Variants in GTF2F2 observed in about 807,000 individuals in gnomAD.
GTF2F2 encodes the protein general transcription factor IIF subunit 2.
GTF2F2 carries 23 observed loss-of-function variants against 42.2 expected under a neutral mutation model. The ratio of observed to expected loss-of-function variants is 0.55; its 90% CI spans 0.39 to 0.77. The LOEUF is 0.77. Ranked by LOEUF, GTF2F2 falls within the 30% of genes least tolerant of loss-of-function variation. The pLI is 0.00. For synonymous variants in GTF2F2, 105 were observed against 100.8 expected, an observed-to-expected ratio of 1.04 and a Z score of -0.25; for missense variants, 261 against 287.2, an observed-to-expected ratio of 0.91 and a Z score of 0.66.
In GTF2F2 at chr13:45,213,262, G is replaced by A. The variant is rs138552582; in HGVS notation, c.386+5757G>A. ...CCCGGCTAATTTTTTTGTATTTTTAGTAGAGGTGGGGTTTCACTGTGTTAG... is the reference window on the plus strand; with the variant it reads ...CCCGGCTAATTTTTTTGTATTTTTAATAGAGGTGGGGTTTCACTGTGTTAG... On this transcript the variant is annotated intron_variant, in intron 5 of 7. Coordinates refer to ENST00000340473, the MANE Select transcript of GTF2F2 (RefSeq NM_004128.3). Among the ~76,000 whole-genome samples, 145 of 152,020 alleles carry A rather than the reference G, an allele frequency of 9.5e-4. 1 individual carries two copies. The highest frequency in any genetic ancestry group is 5.8e-3 in the South Asian group (28 of 4,814).
chr13:45,274,658 A>C (rs1269886507), intron 7 of GTF2F2, among the ~76,000 whole-genome samples: 1 of 152,118 alleles, frequency 6.6e-6, no homozygotes. Context: ...TGTGTAGTTC[A>C]GGCCAGATGT....
chr13:45,192,703 G>A (rs1395976174), intron 4 of GTF2F2: 1 of 152,026 alleles, frequency 6.6e-6, no homozygotes, highest in Non-Finnish European at 1.5e-5. Context: ...ATAATTTTTT[G>A]TTTGGCATGA....
rs886070768 is a variant in GTF2F2 at position 45,135,406 on chromosome 13, C to T, written c.67-1327C>T. Among the ~76,000 whole-genome samples, 7 of 151,828 alleles carry T rather than the reference C, an allele frequency of 4.6e-5. 1 individual carries two copies. Among genetic ancestry groups the T allele is most frequent in the Admixed American group, 3.9e-4 (6 of 15,230 alleles). ...TCCTGAGTAGCTGGGATTACAGGCA[C>T]GCACGACCATGCCCGGCTAATTTTT... is the stretch of plus-strand genomic sequence containing the variant. On this transcript the variant is annotated intron_variant, in intron 1 of 7. Coordinates refer to ENST00000340473, the MANE Select transcript of GTF2F2 (RefSeq NM_004128.3).
At chr13:45,125,795 C>T (rs1201341094) in intron 1 of GTF2F2, among the ~76,000 whole-genome samples, 3 of 152,052 alleles carry the variant, frequency 2.0e-5, no homozygotes, top group African/African-American at 7.2e-5. Flanking sequence ...GAGATGGAGA[C>T]AGGGATTTAT....
intron 1 of GTF2F2, among the ~76,000 whole-genome samples, chr13:45,121,894 G>C (rs956151352): frequency 6.6e-6 from 1 of 150,704 alleles, no homozygotes; most frequent in South Asian, 2.1e-4. Flanking sequence ...GTTACTTGGG[G>C]GGAGAGTCAC....
At chr13:45,215,547 G>A (rs1238675601) in intron 5 of GTF2F2, among the ~76,000 whole-genome samples, 2 of 152,074 alleles carry the variant, frequency 1.3e-5, no homozygotes, top group African/African-American at 4.8e-5. Flanking sequence ...ATCACCTAAG[G>A]TCAGGAGTTT....
At chr13:45,198,895 ACTGT>A (rs1873036772) in intron 4 of GTF2F2, among the ~76,000 whole-genome samples, 1 of 152,176 alleles carries the variant, frequency 6.6e-6, no homozygotes, top group Non-Finnish European at 1.5e-5. Flanking sequence ...TAAAAATTAC[ACTGT>A]CTAATTATTG....
At chr13:45,230,274 T>C (rs1179321375) in intron 5 of GTF2F2, among the ~76,000 whole-genome samples, 1 of 151,716 alleles carries the variant, frequency 6.6e-6, no homozygotes, top group African/African-American at 2.4e-5. Flanking sequence ...CAGTACTAAT[T>C]GGTATGTCTT....
intron 4 of GTF2F2, among the ~76,000 whole-genome samples, chr13:45,178,686 T>C (rs1872001840): frequency 6.6e-6 from 1 of 152,188 alleles, no homozygotes; most frequent in Non-Finnish European, 1.5e-5. Flanking sequence ...ATGTACCTAC[T>C]CTCACCCAAG....
In GTF2F2 at chr13:45,284,763, A is replaced by G. The variant is rs916183362; in HGVS notation, c.*1202A>G. 6.6e-5 allele frequency: 10 copies of G among 152,232 alleles called. No homozygotes were observed. Among genetic ancestry groups the G allele is most frequent in the Admixed American group, 4.6e-4 (7 of 15,276 alleles). The allele number at this position is 152,232 out of a possible 1,614,324, so 9.4% of individuals were successfully genotyped here. A position where few individuals can be genotyped will look rare whatever the true frequency, so the allele number is the denominator to read the frequency against. ...ATATAATTAAAGCAAGAAGATATCT[A>G]TCCATTGAGAAAAACAATTTTTATA... On this transcript the variant is annotated 3_prime_UTR_variant, in exon 8 of 8. Coordinates refer to ENST00000340473, the MANE Select transcript of GTF2F2 (RefSeq NM_004128.3).
rs903472862 is a variant in GTF2F2, at chr13:45,283,981, A to C, written c.*420A>C. On this transcript the variant is annotated 3_prime_UTR_variant, in exon 8 of 8. Transcript: ENST00000340473. ...GTCAACTACAGAAACTCTTAAAAGG[A>C]ATAAAAACCCAAAGTTCCTTATTTT... 6.6e-6 allele frequency: 1 copy of C among 152,240 alleles called. No individual in the cohort carries two copies. Among genetic ancestry groups the C allele is most frequent in the Non-Finnish European group, 1.5e-5 (1 of 68,048 alleles). The allele number at this position is 152,240 out of a possible 1,614,324, so 9.4% of individuals were successfully genotyped here.
At chr13:45,135,380 C>T (rs1293009796) in intron 1 of GTF2F2, among the ~76,000 whole-genome samples, 1 of 152,156 alleles carries the variant, frequency 6.6e-6, no homozygotes, top group East Asian at 1.9e-4. Context: ...CTGCCTCAGC[C>T]TCCTGAGTAG....
At chr13:45,189,493 G>A (rs1872547194) in intron 4 of GTF2F2, among the ~76,000 whole-genome samples, 1 of 152,188 alleles carries the variant, frequency 6.6e-6, no homozygotes, top group South Asian at 2.1e-4. Context: ...CTTCCACAAT[G>A]GTTGAACTAA....
chr13:45,188,008 C>T (rs1003154347), intron 4 of GTF2F2, among the ~76,000 whole-genome samples: 2 of 152,124 alleles, frequency 1.3e-5, no homozygotes, highest in African/African-American at 2.4e-5. Context: ...TGGGTTCTAG[C>T]GATTCTCATG....
chr13:45,151,532 C>T (rs945195140), intron 3 of GTF2F2, among the ~76,000 whole-genome samples, 155 bp from the exon 4 acceptor site: 1 of 151,976 alleles, frequency 6.6e-6, no homozygotes, highest in Non-Finnish European at 1.5e-5. Flanking sequence ...TTTATATTCT[C>T]TTTTTATGAC....
intron 5 of GTF2F2, among the ~76,000 whole-genome samples, chr13:45,225,840 G>A (rs1401897206): frequency 6.6e-6 from 1 of 152,016 alleles, no homozygotes; most frequent in African/African-American, 2.4e-5. Flanking sequence ...TTGGGACAGT[G>A]GTGCCTGTTG....
At chr13:45,152,773 C>CT (rs1320025663) in intron 4 of GTF2F2, among the ~76,000 whole-genome samples, 1 of 152,148 alleles carries the variant, frequency 6.6e-6, no homozygotes, top group Non-Finnish European at 1.5e-5. Flanking sequence ...ACACACTCAG[C>CT]TTGAGTATAT....
At chr13:45,232,841 G>T (rs2138220886) in intron 5 of GTF2F2, among the ~76,000 whole-genome samples, 1 of 152,238 alleles carries the variant, frequency 6.6e-6, no homozygotes, top group Admixed American at 6.5e-5. Context: ...ATTTCACATA[G>T]TGTAAGTGTG....
chr13:45,258,686 C>T (rs1252738741), intron 6 of GTF2F2, among the ~76,000 whole-genome samples: 3 of 152,152 alleles, frequency 2.0e-5, no homozygotes, highest in Admixed American at 6.5e-5. Context: ...AAAACGAAAA[C>T]GTATTTTGTA....
Sources: allele counts gnomAD v4.1 joint callset (sites outside exome capture counted in the v4.1 genomes callset), GRCh38; gene constraint gnomAD v4.1.1; transcripts MANE v1.5; gene names NCBI Gene and HGNC (gene_info 2026-07-23, HGNC 2026-07-21).